Variants in WT1 observed in about 807,000 individuals in gnomAD.
WT1 encodes WT1 transcription factor, also known as Wilms tumor protein.
WT1 carries 8 observed loss-of-function variants against 60.8 expected under a neutral mutation model. That is an observed-to-expected ratio of 0.13 (90% CI 0.08 to 0.24). The LOEUF is 0.24. Ranked by LOEUF, WT1 falls within the 10% of genes least tolerant of loss-of-function variation. WT1 has a pLI of 1.00. For synonymous variants in WT1, 312 were observed against 297.1 expected, an observed-to-expected ratio of 1.05 and a Z score of -0.52; for missense variants, 568 against 711.8, an observed-to-expected ratio of 0.80 and a Z score of 2.30.
Position 32,428,410 on chromosome 11 carries a change from A to T in WT1, c.784+87T>A, listed in dbSNP as rs145477984. On this transcript the variant is annotated intron_variant, in intron 2 of 9. Transcript: ENST00000452863. ...TCCTTTTAGATGTCCTCCTTTGCCT[A>T]ATTTGCTGTGGGTTAGGAATTCCTG... 161 of 1,600,342 alleles carry T rather than the reference A, an allele frequency of 1.0e-4. 1 individual carries two copies. In the East Asian group the frequency reaches 3.2e-3, roughly 32 times the overall value.
At chr11:32,420,960 C>T (rs907880491) in intron 3 of WT1, among the ~76,000 whole-genome samples, 2 of 152,198 alleles carry the variant, frequency 1.3e-5, no homozygotes, top group African/African-American at 4.8e-5. Flanking sequence ...CCCCAAGCTA[C>T]TAATAGGTTT....
At chr11:32,401,701 G>C (rs183683233) in intron 5 of WT1, among the ~76,000 whole-genome samples, 2 of 152,046 alleles carry the variant, frequency 1.3e-5, no homozygotes, top group South Asian at 4.2e-4. Context: ...CACCATACCC[G>C]GCTCATTTTT....
At chr11:32,426,367 A>G (rs1269775695) in intron 3 of WT1, among the ~76,000 whole-genome samples, 1 of 152,198 alleles carries the variant, frequency 6.6e-6, no homozygotes, top group African/African-American at 2.4e-5. Flanking sequence ...AATGGGCAGG[A>G]GCAGCTACAC....
At chr11:32,401,034 C>G (rs1279927034) in intron 5 of WT1, among the ~76,000 whole-genome samples, 1 of 152,212 alleles carries the variant, frequency 6.6e-6, no homozygotes, top group Non-Finnish European at 1.5e-5. Flanking sequence ...AACAGACGTC[C>G]ACACAAAAAC....
intron 5 of WT1, among the ~76,000 whole-genome samples, chr11:32,413,429 C>G (rs1299272690): frequency 6.6e-6 from 1 of 152,190 alleles, no homozygotes; most frequent in Non-Finnish European, 1.5e-5. Context: ...AATCCAGTAT[C>G]ACAAAGAACA....
chr11:32,408,715 C>CAGAAAACT (rs1852404447), intron 5 of WT1, among the ~76,000 whole-genome samples: 1 of 151,824 alleles, frequency 6.6e-6, no homozygotes, highest in Non-Finnish European at 1.5e-5. Context: ...GATATTCTAC[C>CAGAAAACT]AGAAAACTGA....
rs559735658 is a variant in WT1, at chr11:32,417,824, GCA to G, written c.888-172_888-171del. Among the ~76,000 whole-genome samples the G allele has an allele frequency of 8.9e-4, 136 of 152,266 alleles. 1 individual carries two copies. The highest frequency in any genetic ancestry group is 1.6e-3 in the Non-Finnish European group (108 of 68,030). ...TTTTCATTTCATCCCACTGATCTCTGCACAGTTATACACTTCATACACAGCAG... is the reference window on the plus strand; with the variant it reads ...TTTTCATTTCATCCCACTGATCTCTGCAGTTATACACTTCATACACAGCAG... On this transcript the variant is annotated intron_variant, in intron 3 of 9. Transcript: ENST00000452863.
chr11:32,406,266 C>T (rs1852305742), intron 5 of WT1, among the ~76,000 whole-genome samples: 1 of 152,020 alleles, frequency 6.6e-6, no homozygotes, highest in African/African-American at 2.4e-5. Flanking sequence ...GAAATTGTTC[C>T]ACCTCAGATC....
Position 32,428,023 on chromosome 11 carries a change from C to T in WT1, c.820G>A (p.Gly274Ser). The T allele has an allele frequency of 6.2e-7, 1 of 1,610,782 alleles. No homozygotes were observed. The highest frequency in any genetic ancestry group is 1.1e-5 in the South Asian group (1 of 90,724). ...CAGCTGTCGGTGGGGGTGTGGCAGCCATAGACCGGGGGCGGCACCGAGTAC... is the reference window on the plus strand; with the variant it reads ...CAGCTGTCGGTGGGGGTGTGGCAGCTATAGACCGGGGGCGGCACCGAGTAC... Residue 274 changes from glycine (G) to serine (S), a missense_variant, in exon 3 of 10, where the codon GGC becomes AGC. Physicochemically the swap from Gly to Ser is moderately conservative, Grantham distance 56. Transcript: ENST00000452863.
chr11:32,407,627 A>G (rs954283251), intron 5 of WT1, among the ~76,000 whole-genome samples: 2 of 152,036 alleles, frequency 1.3e-5, no homozygotes, highest in Admixed American at 6.6e-5. Context: ...GTGTCTCTAA[A>G]ACATGGAATT....
rs770519620 is a variant in WT1 at position 32,435,072 on chromosome 11, AGCC to A, written c.286_288del (p.Gly96del). Reference sequence around the variant, plus strand: ...GCCGCGCCGCTCACAGGCAGGGCACAGCCGCCGCCGCCACCCAGGGAGGGGACG... The same window carrying A: ...GCCGCGCCGCTCACAGGCAGGGCACAGCCGCCGCCACCCAGGGAGGGGACG... On this transcript the variant is annotated inframe_deletion, in exon 1 of 10. Transcript: ENST00000452863. 1.9e-5 allele frequency: 28 copies of A among 1,487,644 alleles called. No homozygotes were observed. The highest frequency in any genetic ancestry group is 1.1e-4 in the Admixed American group (5 of 44,022). 92.2% of individuals were successfully genotyped at this position (1,487,644 alleles called of 1,614,324 possible). A position where few individuals can be genotyped will look rare whatever the true frequency, so the allele number is the denominator to read the frequency against.
At chr11:32,419,583 G>A (rs985183912) in intron 3 of WT1, among the ~76,000 whole-genome samples, 1 of 152,152 alleles carries the variant, frequency 6.6e-6, no homozygotes, top group Admixed American at 6.5e-5. Flanking sequence ...GATGCAGAAG[G>A]GTGAATGAAT....
intron 5 of WT1, among the ~76,000 whole-genome samples, chr11:32,404,104 CTACAAAAA>C (rs796436910): frequency 5.9e-5 from 9 of 151,590 alleles, no homozygotes; most frequent in African/African-American, 1.7e-4. Flanking sequence ...AAACCCATCT[CTACAAAAA>C]TACAAAAATT....
At chr11:32,430,910 G>A (rs1853284761) in intron 1 of WT1, 1 of 1,092,744 alleles carries the variant, frequency 9.2e-7, no homozygotes, top group East Asian at 4.4e-5. Context: ...TTGGCCTGGC[G>A]CGGAGAGTGC....
chr11:32,421,625 G>A (rs982594044), intron 3 of WT1, among the ~76,000 whole-genome samples: 8 of 152,116 alleles, frequency 5.3e-5, no homozygotes, highest in African/African-American at 1.9e-4. Context: ...AGCAAAAAGG[G>A]GGAGCTTAAA....
At chr11:32,399,676 G>A (rs1326142046) in intron 6 of WT1, among the ~76,000 whole-genome samples, 1 of 152,198 alleles carries the variant, frequency 6.6e-6, no homozygotes, top group Non-Finnish European at 1.5e-5. Context: ...AGCCCGCCCT[G>A]GAGAAGTCAA....
chr11:32,427,115 G>C (rs1194989243), intron 3 of WT1, among the ~76,000 whole-genome samples: 1 of 152,210 alleles, frequency 6.6e-6, no homozygotes, highest in Non-Finnish European at 1.5e-5. Context: ...GCCCAATCCC[G>C]GGCCGCACAG....
intron 5 of WT1, among the ~76,000 whole-genome samples, chr11:32,401,471 C>T (rs1041559161): frequency 4.7e-5 from 7 of 150,376 alleles, no homozygotes; most frequent in African/African-American, 7.4e-5. Context: ...TCATACGGTC[C>T]GTGCAATCTA....
At chr11:32,399,821 T>A in intron 6 of WT1, 127 bp downstream of exon 6, 1 of 1,027,558 alleles carries the variant, frequency 9.7e-7, no homozygotes, top group Non-Finnish European at 1.5e-6. Context: ...GTCCCTGATG[T>A]TAAAGGAGCC....
Sources: gnomAD v4.1 joint callset for allele counts (sites outside exome capture counted in the v4.1 genomes callset) on GRCh38, gnomAD v4.1.1 for gene constraint, MANE v1.5 for transcripts, NCBI Gene and HGNC (gene_info 2026-07-23, HGNC 2026-07-21) for gene names.